Variants in C4orf50 observed in about 807,000 individuals in gnomAD.
C4orf50 encodes the protein uncharacterized protein C4orf50.
C4orf50 carries 80 observed loss-of-function variants against 77.2 expected under a neutral mutation model. The ratio of observed to expected loss-of-function variants is 1.04; its 90% CI spans 0.87 to 1.25. The LOEUF (loss-of-function observed/expected upper bound fraction) is 1.25, where lower values mean the gene tolerates loss of function less well. C4orf50 is among the 50% of genes most tolerant of loss of function. The pLI is 0.00. For synonymous variants in C4orf50, 532 were observed against 465.3 expected (o/e 1.14, Z -1.84); for missense variants, 1,257 against 1,152.9 (o/e 1.09, Z -1.31).
At chr4:5,927,487 T>C (rs1174133348) in intron 7 of C4orf50, among the ~76,000 whole-genome samples, 1 of 151,908 alleles carries the variant, frequency 6.6e-6, no homozygotes, top group Non-Finnish European at 1.5e-5. Flanking sequence ...TCTCAAATTG[T>C]AAACCCCATG....
chr4:5,975,455 G>A (rs1401609233), intron 30 of C4orf50, among the ~76,000 whole-genome samples: 1 of 152,014 alleles, frequency 6.6e-6, no homozygotes, highest in Non-Finnish European at 1.5e-5. Context: ...GTGCAAGCAG[G>A]GGCTGCTGCT....
intron 28 of C4orf50, among the ~76,000 whole-genome samples, chr4:5,983,241 C>T (rs991547266): frequency 6.6e-5 from 10 of 152,338 alleles, no homozygotes; most frequent in African/African-American, 2.4e-4. Flanking sequence ...AACTGGGTCA[C>T]ATCATTCTGC....
exon 28 of C4orf50, chr4:5,988,485 G>A (rs1225962828): frequency 1.3e-6 from 2 of 1,552,718 alleles, no homozygotes; most frequent in South Asian, 1.2e-5. Context: ...CTACACCAGT[G>A]TTTCTCCAGA....
At chr4:5,952,668 A>G (rs1718781430), downstream of C4orf50, among the ~76,000 whole-genome samples, 1 of 152,204 alleles carries the variant, frequency 6.6e-6, no homozygotes, top group Non-Finnish European at 1.5e-5. This position sits in a 1 kb window ranked among gnomAD's most constrained non-coding sequence, Gnocchi z 4.4. Flanking sequence ...GTCAAGCGCT[A>G]AAGAAAGAAA....
intron 7 of C4orf50, among the ~76,000 whole-genome samples, chr4:5,924,291 C>A (rs1487086814): frequency 6.6e-6 from 1 of 152,128 alleles, no homozygotes; most frequent in Admixed American, 6.5e-5. Flanking sequence ...ATACAAGAGC[C>A]AAGAGTCAAA....
intron 7 of C4orf50, among the ~76,000 whole-genome samples, chr4:5,926,209 G>C (rs766483555): frequency 5.3e-5 from 8 of 152,202 alleles, no homozygotes; most frequent in Non-Finnish European, 7.3e-5. Flanking sequence ...CTGGTGAATG[G>C]ATAACCTAAA....
chr4:5,924,240 A>G (rs9647416), intron 7 of C4orf50, among the ~76,000 whole-genome samples: 117,621 of 152,104 alleles, frequency 0.77, 45,521 homozygotes, highest in East Asian at 0.84. Context: ...TCATATATGC[A>G]TCTATCCTAT....
At chr4:6,014,871 C>A (rs555515485) in intron 23 of C4orf50, among the ~76,000 whole-genome samples, 2 of 152,296 alleles carry the variant, frequency 1.3e-5, no homozygotes, top group East Asian at 3.9e-4. Context: ...ACAGAGGACT[C>A]GAGCCCACAT....
chr4:5,954,491 G>A (rs1221273699), downstream of C4orf50, among the ~76,000 whole-genome samples: 1 of 152,146 alleles, frequency 6.6e-6, no homozygotes, highest in Non-Finnish European at 1.5e-5. This position sits in a 1 kb window ranked among gnomAD's most constrained non-coding sequence, Gnocchi z 4.7. Context: ...TGTGTGTTGG[G>A]AGGGAAAGGA....
chr4:5,999,865 G>T (rs1352657351), intron 25 of C4orf50, among the ~76,000 whole-genome samples: 1 of 152,152 alleles, frequency 6.6e-6, no homozygotes, highest in Non-Finnish European at 1.5e-5. Context: ...CAGCCTGAGT[G>T]GGGGTGGGCA....
intron 7 of C4orf50, among the ~76,000 whole-genome samples, chr4:5,926,873 A>G (rs1717538655): frequency 6.6e-6 from 1 of 152,138 alleles, no homozygotes. Context: ...ATCCATATTC[A>G]TTCATTCACT....
chr4:5,928,042 T>G (rs1278035428), intron 7 of C4orf50, among the ~76,000 whole-genome samples: 3 of 152,214 alleles, frequency 2.0e-5, no homozygotes, highest in African/African-American at 7.2e-5. Flanking sequence ...CCTGCAGGCC[T>G]CTGCAAATAC....
At chr4:5,962,583 C>G (rs563213306) in intron 33 of C4orf50, among the ~76,000 whole-genome samples, 16 of 152,324 alleles carry the variant, frequency 1.1e-4, no homozygotes, top group African/African-American at 3.6e-4. Context: ...CTCAACCCCG[C>G]CCCCATCCAG....
At chr4:5,988,280 G>T (rs1374845104) in intron 28 of C4orf50, 67 bp downstream of exon 6, 4 of 1,560,644 alleles carry the variant, frequency 2.6e-6, no homozygotes, top group Non-Finnish European at 3.5e-6. Flanking sequence ...AATTGCATAA[G>T]TGAATGGGGT....
At position 5,989,207 on chromosome 4, in the gene C4orf50, GTT is replaced by G; in HGVS notation, c.2837_2838del (p.Lys946ThrfsTer10). The G allele has an allele frequency of 6.5e-7, 1 of 1,536,044 alleles. No individual in the cohort carries two copies. Among genetic ancestry groups the G allele is most frequent in the Non-Finnish European group, 8.7e-7 (1 of 1,146,894 alleles). On this transcript the variant is annotated frameshift_variant, in exon 28 of 34. Transcript: ENST00000531445. LOFTEE classifies it high-confidence loss of function. Reference sequence around the variant, plus strand: ...TGGAACCTCTCTTGGTCTCCGTGAAGTTTGGTGTTGTCATGTAAAATCTGGCT... The same window carrying G: ...TGGAACCTCTCTTGGTCTCCGTGAAGTGGTGTTGTCATGTAAAATCTGGCT...
At position 6,000,270 on chromosome 4, in the gene C4orf50, C is replaced by G. The variant is rs1296496100; in HGVS notation, c.964-5794G>C. ...GGCCTGGAAGCCACAGCCATGGCCA[C>G]TGAGGCTCATGCAATTTCCACCAAG... is the stretch of plus-strand genomic sequence containing the variant. On this transcript the variant is annotated intron_variant, in intron 25 of 33. Coordinates refer to ENST00000531445, the Ensembl canonical transcript of C4orf50. The surrounding 1 kb of genome is among the most constrained non-coding windows in gnomAD (Gnocchi z 6.0). Among the ~76,000 whole-genome samples, 1 of 152,182 alleles carries G rather than the reference C, an allele frequency of 6.6e-6. No individual in the cohort carries two copies. Among genetic ancestry groups the G allele is most frequent in the Non-Finnish European group, 1.5e-5 (1 of 68,028 alleles).
At chr4:5,940,029 T>A (rs1718196257) in intron 7 of C4orf50, among the ~76,000 whole-genome samples, 1 of 152,222 alleles carries the variant, frequency 6.6e-6, no homozygotes. Context: ...TGGAAAAGCA[T>A]GAAGCTCAGT....
rs770096211 is a variant in C4orf50, at chr4:6,000,048, G to C, written c.964-5572C>G. On this transcript the variant is annotated intron_variant, in intron 25 of 33. Transcript: ENST00000531445. This position sits in a 1 kb window ranked among gnomAD's most constrained non-coding sequence, Gnocchi z 6.0. ...GGTTGAACTTGATCCTGAGGCCGTG[G>C]GCAGCCATGGTGGGGTGCTTATGGA... Among the ~76,000 whole-genome samples the C allele has an allele frequency of 6.6e-6, 1 of 152,078 alleles. No individual in the cohort carries two copies. Among genetic ancestry groups the C allele is most frequent in the Non-Finnish European group, 1.5e-5 (1 of 68,002 alleles).
intron 7 of C4orf50, among the ~76,000 whole-genome samples, chr4:5,934,543 C>A (rs1406941819): frequency 2.6e-5 from 4 of 152,120 alleles, no homozygotes; most frequent in African/African-American, 9.7e-5. Flanking sequence ...CCTCCCTGCA[C>A]CCTCCTCCCG....
Sources: allele counts gnomAD v4.1 joint callset (sites outside exome capture counted in the v4.1 genomes callset), GRCh38; gene constraint gnomAD v4.1.1; non-coding constraint Gnocchi (gnomAD v3.1); transcripts MANE v1.5; gene names NCBI Gene and HGNC (gene_info 2026-07-23, HGNC 2026-07-21).